Variants in PDE11A observed in about 807,000 individuals in gnomAD.
PDE11A encodes dual 3',5'-cyclic-AMP and -GMP phosphodiesterase 11A.
A neutral mutation model predicts 100.5 loss-of-function variants in PDE11A; 100 were observed. That is an observed-to-expected ratio of 1.00 (90% CI 0.85 to 1.18). The LOEUF is 1.18. PDE11A is among the 50% of genes most tolerant of loss of function. The pLI is 0.00. For synonymous variants in PDE11A, 381 were observed against 420.8 expected, an observed-to-expected ratio of 0.91 and a Z score of 1.16; for missense variants, 1,141 against 1,152.6, an observed-to-expected ratio of 0.99 and a Z score of 0.15.
At chr2:178,011,057 A>G (rs4893995) in intron 2 of PDE11A, among the ~76,000 whole-genome samples, 3 of 151,910 alleles carry the variant, frequency 2.0e-5, no homozygotes, top group Non-Finnish European at 4.4e-5. Flanking sequence ...CATTTGGAAC[A>G]CTCAAAGGGG....
chr2:177,842,413 C>T (rs1240146414), intron 5 of PDE11A, among the ~76,000 whole-genome samples: 1 of 152,170 alleles, frequency 6.6e-6, no homozygotes, highest in Admixed American at 6.5e-5. Flanking sequence ...GACACAAATG[C>T]AGCAGAGTAC....
At position 177,625,360 on chromosome 2, in the gene PDE11A, C is replaced by G. The variant is rs1420682213; in HGVS notation, c.*4047G>C. 1.3e-5 allele frequency: 2 copies of G among 152,556 alleles called. No homozygotes were observed. The highest frequency in any genetic ancestry group is 4.8e-5 in the African/African-American group (2 of 41,416). The allele number at this position is 152,556 out of a possible 1,614,324, so 9.5% of individuals were successfully genotyped here. A position where few individuals can be genotyped will look rare whatever the true frequency, so the allele number is the denominator to read the frequency against. On this transcript the variant is annotated 3_prime_UTR_variant, in exon 20 of 20. Transcript: ENST00000286063. ...TGCTTTTATGTAATAGATGGAGATTCTAAGACTTGGAGAGTCCTAAGATTA... is the reference window on the plus strand; with the variant it reads ...TGCTTTTATGTAATAGATGGAGATTGTAAGACTTGGAGAGTCCTAAGATTA...
chr2:177,625,980 A>C lies in PDE11A; in HGVS notation c.*3427T>G, dbSNP rs1394585020. The C allele has an allele frequency of 6.6e-6, 1 of 152,572 alleles. No homozygotes were observed. Among genetic ancestry groups the C allele is most frequent in the African/African-American group, 2.4e-5 (1 of 41,408 alleles). 9.5% of individuals were successfully genotyped at this position (152,572 alleles called of 1,614,324 possible). On this transcript the variant is annotated 3_prime_UTR_variant, in exon 20 of 20. Transcript: ENST00000286063. The stretch of plus-strand genomic sequence containing the variant: ...AATAGGAAAGATACCTCAAGACAGG[A>C]GAAATAGATGGAGGCAATTACAAAC...
intron 13 of PDE11A, among the ~76,000 whole-genome samples, chr2:177,709,918 G>T (rs1253524411): frequency 1.3e-5 from 2 of 152,204 alleles, no homozygotes; most frequent in Non-Finnish European, 2.9e-5. Flanking sequence ...GAAGCCATGT[G>T]GGAGGACAGG....
At chr2:177,736,355 T>C (rs1044575728) in intron 10 of PDE11A, among the ~76,000 whole-genome samples, 1 of 151,612 alleles carries the variant, frequency 6.6e-6, no homozygotes, top group Non-Finnish European at 1.5e-5. Context: ...CTATTAAAAA[T>C]ACAAAAATTA....
intron 14 of PDE11A, among the ~76,000 whole-genome samples, chr2:177,698,832 T>A (rs149556462): frequency 2.6e-4 from 40 of 152,110 alleles, no homozygotes; most frequent in African/African-American, 9.2e-4. Context: ...TCTGCCCAGG[T>A]TTTTTTGCCT....
chr2:177,934,873 T>C (rs1048997772), intron 2 of PDE11A, among the ~76,000 whole-genome samples: 2 of 152,232 alleles, frequency 1.3e-5, no homozygotes, highest in East Asian at 3.9e-4. Context: ...TCTAAGCAAA[T>C]TAATGCATGT....
At position 178,071,868 on chromosome 2, in the gene PDE11A, G is replaced by A. The variant is rs1559062510; in HGVS notation, c.570C>T (p.Ile190=). The A allele has an allele frequency of 2.5e-6, 4 of 1,613,946 alleles. No homozygotes were observed. The highest frequency in any genetic ancestry group is 1.1e-5 in the South Asian group (1 of 91,064). Reference sequence around the variant, plus strand: ...GCTTTTTCAGATGGCACTTGTAGTCGATGGCTGTAGGGGGATACCGAGGCA... The same window carrying A: ...GCTTTTTCAGATGGCACTTGTAGTCAATGGCTGTAGGGGGATACCGAGGCA... ...VNLPRYPPTA[I]DYKCHLKKHN... The change falls in exon 1 of 20, where the codon ATC becomes ATT. Residue 190 remains isoleucine, a synonymous_variant. Coordinates refer to ENST00000286063, the MANE Select transcript of PDE11A (RefSeq NM_016953.4).
chr2:177,843,481 T>C (rs1190149649), intron 5 of PDE11A, among the ~76,000 whole-genome samples: 1 of 152,162 alleles, frequency 6.6e-6, no homozygotes, highest in Non-Finnish European at 1.5e-5. Context: ...GAGTTGATAA[T>C]TAAGAGCTTT....
chr2:177,774,761 C>G (rs74583568), intron 9 of PDE11A, among the ~76,000 whole-genome samples: 1 of 152,176 alleles, frequency 6.6e-6, no homozygotes, highest in Non-Finnish European at 1.5e-5. Flanking sequence ...AAATTTAACA[C>G]GTCTAAATAA....
At chr2:177,684,578 GGT>G (rs753373635) in intron 15 of PDE11A, among the ~76,000 whole-genome samples, 1 of 152,038 alleles carries the variant, frequency 6.6e-6, no homozygotes, top group Non-Finnish European at 1.5e-5. Context: ...GACTTAATGG[GGT>G]CTGGCACTCA....
chr2:178,010,863 A>T (rs1342557224), intron 2 of PDE11A, among the ~76,000 whole-genome samples: 1 of 152,250 alleles, frequency 6.6e-6, no homozygotes, highest in African/African-American at 2.4e-5. Context: ...TATGTGTATT[A>T]ATAAGGCAAG....
At chr2:177,675,335 A>T in intron 17 of PDE11A, 120 bp downstream of exon 17, 1 of 758,026 alleles carries the variant, frequency 1.3e-6, no homozygotes, top group Non-Finnish European at 2.4e-6. Flanking sequence ...ACACCATGTT[A>T]ATACTGATGC....
At chr2:177,999,486 C>T (rs910986855) in intron 2 of PDE11A, among the ~76,000 whole-genome samples, 14 of 152,112 alleles carry the variant, frequency 9.2e-5, no homozygotes, top group Non-Finnish European at 2.1e-4. Flanking sequence ...TAATCAGACA[C>T]TTTTTTTAAG....
intron 2 of PDE11A, among the ~76,000 whole-genome samples, chr2:177,966,091 C>A (rs543551584): frequency 2.6e-5 from 4 of 152,124 alleles, no homozygotes; most frequent in African/African-American, 9.6e-5. Flanking sequence ...CAGCTGTATT[C>A]CTAGGTGTTT....
intron 2 of PDE11A, among the ~76,000 whole-genome samples, chr2:177,951,413 A>G (rs2085504158): frequency 1.3e-5 from 2 of 152,132 alleles, no homozygotes; most frequent in Admixed American, 6.5e-5. Context: ...ATTCAATGAC[A>G]CAAAATGTTG....
At chr2:177,718,453 G>A (rs1389358047) in intron 12 of PDE11A, among the ~76,000 whole-genome samples, 1 of 152,160 alleles carries the variant, frequency 6.6e-6, no homozygotes, top group African/African-American at 2.4e-5. Context: ...CTTGGTGTGT[G>A]CTTTATTTCA....
chr2:177,655,162 C>T (rs114110275), intron 19 of PDE11A, among the ~76,000 whole-genome samples: 1 of 151,990 alleles, frequency 6.6e-6, no homozygotes, highest in Non-Finnish European at 1.5e-5. Context: ...CCATTGGATT[C>T]CAGCATTTTA....
At chr2:177,668,136 A>G (rs2080617134) in intron 18 of PDE11A, among the ~76,000 whole-genome samples, 1 of 152,164 alleles carries the variant, frequency 6.6e-6, no homozygotes. Flanking sequence ...AATTTCATTT[A>G]TGTCTACAGA....
Sources: allele counts gnomAD v4.1 joint callset (sites outside exome capture counted in the v4.1 genomes callset), GRCh38; gene constraint gnomAD v4.1.1; transcripts MANE v1.5; gene names NCBI Gene and HGNC (gene_info 2026-07-23, HGNC 2026-07-21).